SIAH3: variants seen among roughly 807,000 people sequenced by gnomAD.
The protein encoded by SIAH3 is seven in absentia homolog 3.
In SIAH3, 9 loss-of-function variants were observed where a neutral mutation model predicts 12.6. The observed-to-expected ratio is 0.72, with a 90% CI of 0.43 to 1.25. The LOEUF (loss-of-function observed/expected upper bound fraction) is 1.25, where lower values mean the gene tolerates loss of function less well. SIAH3 is among the 50% of genes most tolerant of loss of function. The pLI, the probability that SIAH3 is intolerant of heterozygous loss-of-function variation, is 0.00. For missense variants in SIAH3, 390 were observed against 365.4 expected, an observed-to-expected ratio of 1.07 and a Z score of -0.55; for synonymous variants, 154 against 151.1, an observed-to-expected ratio of 1.02 and a Z score of -0.14.
chr13:45,803,084 C>A (rs1054087959), intron 1 of SIAH3, among the ~76,000 whole-genome samples: 7 of 149,948 alleles, frequency 4.7e-5, no homozygotes, highest in African/African-American at 1.7e-4. Context: ...AAAAAAAAGG[C>A]AGCCGCAGAC....
intron 1 of SIAH3, among the ~76,000 whole-genome samples, chr13:45,818,000 C>T (rs1378640596): frequency 2.6e-5 from 4 of 152,174 alleles, no homozygotes; most frequent in Non-Finnish European, 4.4e-5. Flanking sequence ...TCACTGATGC[C>T]TTCCTACTGC....
chr13:45,797,642 C>T (rs1950567771), intron 1 of SIAH3, among the ~76,000 whole-genome samples: 1 of 152,162 alleles, frequency 6.6e-6, no homozygotes, highest in South Asian at 2.1e-4. Context: ...TTAAAATGCA[C>T]ACTCTGATAC....
At chr13:45,826,481 A>G (rs1216620505) in intron 1 of SIAH3, among the ~76,000 whole-genome samples, 17 of 144,142 alleles carry the variant, frequency 1.2e-4, no homozygotes, top group Middle Eastern at 3.4e-3. Flanking sequence ...GGATGGATGG[A>G]TGGATGGATG....
chr13:45,838,664 T>C (rs1313596831), intron 1 of SIAH3, among the ~76,000 whole-genome samples: 1 of 152,080 alleles, frequency 6.6e-6, no homozygotes, highest in East Asian at 1.9e-4. Context: ...TTCCTTTTCA[T>C]TCCTTCCATT....
intron 1 of SIAH3, among the ~76,000 whole-genome samples, chr13:45,827,351 A>G (rs1266124869): frequency 6.6e-6 from 1 of 152,248 alleles, no homozygotes; most frequent in Non-Finnish European, 1.5e-5. Flanking sequence ...AGACAGGCCA[A>G]TCCTGACATT....
chr13:45,804,377 GCA>G (rs1391580608), intron 1 of SIAH3, among the ~76,000 whole-genome samples: 1 of 152,074 alleles, frequency 6.6e-6, no homozygotes, highest in East Asian at 1.9e-4. Flanking sequence ...ATAGGCAAAT[GCA>G]CAGATACAGA....
In SIAH3 at chr13:45,778,759, T is replaced by C. The variant is rs1950493186; in HGVS notation, c.*4624A>G. The C allele has an allele frequency of 2.0e-5, 3 of 152,008 alleles. No homozygotes were observed. Among genetic ancestry groups the C allele is most frequent in the Admixed American group, 2.0e-4 (3 of 15,238 alleles). The allele number at this position is 152,008 out of a possible 1,614,324, so 9.4% of individuals were successfully genotyped here. On this transcript the variant is annotated 3_prime_UTR_variant, in exon 2 of 2. Coordinates refer to ENST00000400405, the MANE Select transcript of SIAH3 (RefSeq NM_198849.3). Reference sequence around the variant, plus strand: ...TATTCAGGAAAAAAAAAAGAAATAATACAACAATAAGAAATAATGCAGTAT... The same window carrying C: ...TATTCAGGAAAAAAAAAAGAAATAACACAACAATAAGAAATAATGCAGTAT...
rs1950516444 is a variant in SIAH3 at position 45,783,972 on chromosome 13, T to G, written c.221A>C (p.His74Pro). 1 of 1,604,422 alleles carries G rather than the reference T, an allele frequency of 6.2e-7. No individual in the cohort carries two copies. The highest frequency in any genetic ancestry group is 8.5e-7 in the Non-Finnish European group (1 of 1,176,222). ...HPHHLSHHHC[H>P]HRHHHHLRHH... ...GCGGAGGTGGTGGTGGTGGCGGTGGTGGCAGTGGTGGTGGGAGAGATGGTG... is the reference window on the plus strand; with the variant it reads ...GCGGAGGTGGTGGTGGTGGCGGTGGGGGCAGTGGTGGTGGGAGAGATGGTG... Residue 74 changes from histidine (H) to proline (P), a missense_variant, in exon 2 of 2, where the codon CAC becomes CCC. Physicochemically the swap from His to Pro is moderately conservative, Grantham distance 77. Transcript: ENST00000400405.
chr13:45,845,268 G>C (rs1041459643), intron 1 of SIAH3, among the ~76,000 whole-genome samples: 2 of 87,002 alleles, frequency 2.3e-5, no homozygotes, highest in African/African-American at 1.6e-4. Flanking sequence ...TTGTGCGTGT[G>C]TTAAAAACGC....
chr13:45,847,648 T>TGTGTGTGTGTGTGTGC (rs764131044), intron 1 of SIAH3, among the ~76,000 whole-genome samples: 1 of 150,514 alleles, frequency 6.6e-6, no homozygotes, highest in Non-Finnish European at 1.5e-5. Context: ...TGTGTGTGTG[T>TGTGTGTGTGTGTGTGC]GCACGTGTGT....
Position 45,783,579 on chromosome 13 carries a change from A to G in SIAH3, c.614T>C (p.Leu205Pro), listed in dbSNP as rs1459275143. 6.2e-7 allele frequency: 1 copy of G among 1,614,216 alleles called. No individual in the cohort carries two copies. Among genetic ancestry groups the G allele is most frequent in the Non-Finnish European group, 8.5e-7 (1 of 1,180,036 alleles). ...CTTGAGGCGCCGATGGTTTCTGTTGAGCTCCAGGCGATAGGTGAAGCAGTC... is the reference window on the plus strand; with the variant it reads ...CTTGAGGCGCCGATGGTTTCTGTTGGGCTCCAGGCGATAGGTGAAGCAGTC... ...QADCFTYRLE[L>P]NRNHRRLKWE... Residue 205 changes from leucine to proline, a missense_variant, in exon 2 of 2, where the codon CTC becomes CCC. Leu to Pro is a moderately conservative substitution (Grantham distance 98). Coordinates refer to ENST00000400405, the MANE Select transcript of SIAH3 (RefSeq NM_198849.3).
At chr13:45,846,345 C>T (rs1046317879) in intron 1 of SIAH3, among the ~76,000 whole-genome samples, 6 of 152,180 alleles carry the variant, frequency 3.9e-5, no homozygotes, top group Admixed American at 2.0e-4. Context: ...CTGCCTCGGC[C>T]TCACAAAGTG....
Position 45,778,294 on chromosome 13 carries a change from C to T in SIAH3, c.*5089G>A, listed in dbSNP as rs189478634. 1 of 152,292 alleles carries T rather than the reference C, an allele frequency of 6.6e-6. No individual in the cohort carries two copies. Among genetic ancestry groups the T allele is most frequent in the East Asian group, 1.9e-4 (1 of 5,184 alleles). The allele number at this position is 152,292 out of a possible 1,614,324, so 9.4% of individuals were successfully genotyped here. A position where few individuals can be genotyped will look rare whatever the true frequency, so the allele number is the denominator to read the frequency against. ...GTAAGAAAGAGGTAGGGAGGGTGACCTGTAAGAACAAGTAACAGGAAATTT... is the reference window on the plus strand; with the variant it reads ...GTAAGAAAGAGGTAGGGAGGGTGACTTGTAAGAACAAGTAACAGGAAATTT... On this transcript the variant is annotated 3_prime_UTR_variant, in exon 2 of 2. Transcript: ENST00000400405.
intron 1 of SIAH3, among the ~76,000 whole-genome samples, chr13:45,808,786 C>A (rs1950606815): frequency 1.3e-5 from 2 of 152,162 alleles, no homozygotes. Context: ...AGGGAATCTC[C>A]ATCCTGGTTA....
chr13:45,806,499 A>T (rs1180571806), intron 1 of SIAH3, among the ~76,000 whole-genome samples: 1 of 152,204 alleles, frequency 6.6e-6, no homozygotes, highest in East Asian at 1.9e-4. Context: ...TCTCACTTAC[A>T]ACAGGGAGCT....
chr13:45,847,966 G>A (rs922675707), intron 1 of SIAH3, among the ~76,000 whole-genome samples: 4 of 152,072 alleles, frequency 2.6e-5, no homozygotes, highest in African/African-American at 7.2e-5. Flanking sequence ...CTGCAGATGG[G>A]GCAAAAGAAG....
intron 1 of SIAH3, among the ~76,000 whole-genome samples, chr13:45,836,951 G>T (rs759169503): frequency 1.3e-5 from 2 of 152,168 alleles, no homozygotes; most frequent in Non-Finnish European, 2.9e-5. Context: ...GAGTAAAAGA[G>T]AATTGCATTT....
chr13:45,800,484 G>A (rs1012140546), intron 1 of SIAH3, among the ~76,000 whole-genome samples: 24 of 152,194 alleles, frequency 1.6e-4, no homozygotes, highest in African/African-American at 5.3e-4. Context: ...CAAAGAATTT[G>A]CTGTCTTTTC....
chr13:45,850,986 C>T (rs1292738127), intron 1 of SIAH3, among the ~76,000 whole-genome samples: 1 of 149,692 alleles, frequency 6.7e-6, no homozygotes, highest in African/African-American at 2.5e-5. Context: ...CAAGGACAAA[C>T]ACTTTGCAGA....
Sources: allele counts gnomAD v4.1 joint callset (sites outside exome capture counted in the v4.1 genomes callset), GRCh38; gene constraint gnomAD v4.1.1; transcripts MANE v1.5; gene names NCBI Gene and HGNC (gene_info 2026-07-23, HGNC 2026-07-21).